The following LTBP4 variants were observed in gnomAD, a reference collection of about 807,000 sequenced individuals.
LTBP4 encodes latent transforming growth factor beta binding protein 4.
A neutral mutation model predicts 180.2 loss-of-function variants in LTBP4; 93 were observed. The observed-to-expected ratio is 0.52, with a 90% confidence interval of 0.44 to 0.61. The LOEUF (loss-of-function observed/expected upper bound fraction) is 0.61, where lower values mean the gene tolerates loss of function less well. Ranked by LOEUF, LTBP4 falls within the 20% of genes least tolerant of loss-of-function variation. The pLI is 0.00. For missense variants in LTBP4, 2,116 were observed against 2,256.5 expected, an observed-to-expected ratio of 0.94 and a Z score of 1.26; for synonymous variants, 947 against 934.5, an observed-to-expected ratio of 1.01 and a Z score of -0.24.
At position 40,609,410 on chromosome 19, in the gene LTBP4, C is replaced by A; in HGVS notation, c.1427-120C>A. On this transcript the variant is annotated intron_variant, in intron 9 of 29. Coordinates refer to ENST00000396819, the MANE Select transcript of LTBP4 (RefSeq NM_001042545.2). This position sits in a 1 kb window ranked among gnomAD's most constrained non-coding sequence, Gnocchi z 4.9. Reference sequence around the variant, plus strand: ...GGAGATCAGAAGAAGACTGGGCTTGCTTGGGGAGGAGACATCCATGAAGGT... The same window carrying A: ...GGAGATCAGAAGAAGACTGGGCTTGATTGGGGAGGAGACATCCATGAAGGT... 7.7e-7 allele frequency: 1 copy of A among 1,293,576 alleles called. No homozygotes were observed. The allele number at this position is 1,293,576 out of a possible 1,614,324, so 80.1% of individuals were successfully genotyped here. A position where few individuals can be genotyped will look rare whatever the true frequency, so the allele number is the denominator to read the frequency against.
rs528596620 is a variant in LTBP4, at chr19:40,610,452, T to C, written c.1685-80T>C. 6.0e-6 allele frequency: 9 copies of C among 1,496,462 alleles called. No homozygotes were observed. In the African/African-American group the frequency reaches 1.2e-4, roughly 21 times the overall value. The allele number at this position is 1,496,462 out of a possible 1,614,324, so 92.7% of individuals were successfully genotyped here. A position where few individuals can be genotyped will look rare whatever the true frequency, so the allele number is the denominator to read the frequency against. ...GGCCCAAGCTTGGTCCCGCTCCCGC[T>C]TCCCTCTACCCCTGCCTCCTTGCGT... On this transcript the variant is annotated intron_variant, in intron 11 of 29. Transcript: ENST00000396819.
At chr19:40,593,819 G>A (rs2081378027) in intron 1 of LTBP4, among the ~76,000 whole-genome samples, 3 of 151,652 alleles carry the variant, frequency 2.0e-5, no homozygotes, top group Admixed American at 2.0e-4. Flanking sequence ...TTTGAGACAG[G>A]GTCTTTCTCT....
intron 11 of LTBP4, 193 bp downstream of exon 11, chr19:40,610,064 C>G (rs1332464596): frequency 1.4e-6 from 1 of 717,266 alleles, no homozygotes; most frequent in East Asian, 3.0e-5. Context: ...CCCACCCCTA[C>G]CCAGCTCCCA....
upstream of LTBP4, chr19:40,599,343 A>C: frequency 2.5e-6 from 4 of 1,610,550 alleles, no homozygotes; most frequent in Non-Finnish European, 3.4e-6. Flanking sequence ...CCCTCATCCC[A>C]GTGGGAGAGC....
chr19:40,604,788 C>A (rs1300520989), intron 1 of LTBP4, among the ~76,000 whole-genome samples: 1 of 152,166 alleles, frequency 6.6e-6, no homozygotes, highest in African/African-American at 2.4e-5. Context: ...GGCTGCAGAG[C>A]CATAATCACG....
chr19:40,600,691 C>A (rs752064249), upstream of LTBP4, among the ~76,000 whole-genome samples: 4 of 152,140 alleles, frequency 2.6e-5, no homozygotes, highest in East Asian at 1.9e-4. The surrounding 1 kb of genome is among the most constrained non-coding windows in gnomAD (Gnocchi z 4.4). Flanking sequence ...CCAGATGTGA[C>A]CCCTCCCCCT....
chr19:40,608,616 G>A lies in LTBP4; in HGVS notation c.1426+13G>A, dbSNP rs2146025478. On this transcript the variant is annotated intron_variant, in intron 9 of 29. Coordinates refer to ENST00000396819, the MANE Select transcript of LTBP4 (RefSeq NM_001042545.2). ...ATTCCTGAATCAGGTTTGCTAGAAA[G>A]AACTGAGGGCATTGGGCCTGCAGCA... The A allele has an allele frequency of 6.4e-7, 1 of 1,572,898 alleles. No homozygotes were observed. The highest frequency in any genetic ancestry group is 1.3e-5 in the African/African-American group (1 of 74,152).
In LTBP4 at chr19:40,622,383, A is replaced by G; in HGVS notation, c.3218-18A>G. The stretch of plus-strand genomic sequence containing the variant: ...GGGGATTCAGCCCACACTGGGCTAA[A>G]GCTCCTTGTCTCCCCAGGCACGTTC... On this transcript the variant is annotated intron_variant, in intron 22 of 29. Coordinates refer to ENST00000396819, the MANE Select transcript of LTBP4 (RefSeq NM_001042545.2). The surrounding 1 kb of genome is among the most constrained non-coding windows in gnomAD (Gnocchi z 5.1). 6.7e-7 allele frequency: 1 copy of G among 1,487,954 alleles called. No individual in the cohort carries two copies. Among genetic ancestry groups the G allele is most frequent in the Non-Finnish European group, 9.0e-7 (1 of 1,108,868 alleles). 92.2% of individuals were successfully genotyped at this position (1,487,954 alleles called of 1,614,324 possible).
In LTBP4 at chr19:40,622,920, G is replaced by C. The variant is rs371913880; in HGVS notation, c.3485-30G>C. 12 of 1,608,632 alleles carry C rather than the reference G, an allele frequency of 7.5e-6. No individual in the cohort carries two copies. Among genetic ancestry groups the C allele is most frequent in the African/African-American group, 1.3e-5 (1 of 74,794 alleles). ...TCAGGGCTGGGGCTGGGGCTCTGGT[G>C]TCCTGGCTCAGGCTTGTCTCTGTGT... is the stretch of plus-strand genomic sequence containing the variant. On this transcript the variant is annotated intron_variant, in intron 23 of 29. Coordinates refer to ENST00000396819, the MANE Select transcript of LTBP4 (RefSeq NM_001042545.2). The surrounding 1 kb of genome is among the most constrained non-coding windows in gnomAD (Gnocchi z 5.1).
chr19:40,627,307 C>T lies in LTBP4; in HGVS notation c.4318C>T (p.Arg1440Cys), dbSNP rs1406689393. 3.3e-6 allele frequency: 5 copies of T among 1,529,988 alleles called. No individual in the cohort carries two copies. In the South Asian group the frequency reaches 3.6e-5, roughly 11 times the overall value. The allele number at this position is 1,529,988 out of a possible 1,614,324, so 94.8% of individuals were successfully genotyped here. ...RWPYRSRDTR[R>C]SFPEPEEPPE... ...GCCCTATCGGTCCCGGGACACCCGC[C>T]GCTCCTTCCCAGAGCCCGAGGAGCC... Residue 1440 changes from arginine to cysteine, a missense_variant, in exon 28 of 30, where the codon CGC becomes TGC. Coordinates refer to ENST00000396819, the MANE Select transcript of LTBP4 (RefSeq NM_001042545.2).
In LTBP4 at chr19:40,601,527, A is replaced by G. The variant is rs1396123598; in HGVS notation, c.140A>G (p.His47Arg). Residue 47 changes from histidine to arginine, a missense_variant, in exon 1 of 30, where the codon CAT becomes CGT. By Grantham distance (29) the His-to-Arg change is conservative (BLOSUM62 0). Transcript: ENST00000396819. ...GTCGTGTGCGGCCTGCGCTGCGTCC[A>G]TGGGCCGACCGGCTCCCGCTGTACC... Reference protein sequence around the residue: ...TPVVCGLRCVHGPTGSRCTPT... With the variant: ...TPVVCGLRCVRGPTGSRCTPT... 1.4e-5 allele frequency: 21 copies of G among 1,493,208 alleles called. No individual in the cohort carries two copies. Among genetic ancestry groups the G allele is most frequent in the Admixed American group, 1.3e-4 (6 of 45,996 alleles). 92.5% of individuals were successfully genotyped at this position (1,493,208 alleles called of 1,614,324 possible).
chr19:40,613,899 G>A lies in LTBP4; in HGVS notation c.2558-17G>A. The A allele has an allele frequency of 6.2e-7, 1 of 1,613,378 alleles. No homozygotes were observed. Among genetic ancestry groups the A allele is most frequent in the South Asian group, 1.1e-5 (1 of 91,056 alleles). ...GAGCGGGAGGTGGGCCGGGCCTTCG[G>A]ACGCCCTGTCCCGCAGACGTTGACG... On this transcript the variant is annotated splice_polypyrimidine_tract_variant and intron_variant, in intron 17 of 29. Transcript: ENST00000396819. This position sits in a 1 kb window ranked among gnomAD's most constrained non-coding sequence, Gnocchi z 5.0.
At chr19:40,620,910 C>T (rs2081582278) in intron 22 of LTBP4, among the ~76,000 whole-genome samples, 1 of 151,842 alleles carries the variant, frequency 6.6e-6, no homozygotes, top group African/African-American at 2.4e-5. Flanking sequence ...ATGATCCCGT[C>T]ACCCAGATAG....
At chr19:40,599,639 C>A, upstream of LTBP4, 2 of 1,260,182 alleles carry the variant, frequency 1.6e-6, no homozygotes, top group Non-Finnish European at 2.2e-6. Flanking sequence ...CTCCCTTCCC[C>A]TCTCCCTCTC....
chr19:40,605,896 C>T lies in LTBP4; in HGVS notation c.793+65C>T. The stretch of plus-strand genomic sequence containing the variant: ...AGTGGTGACAACCTCACCGTTCCTC[C>T]TACTCTGCCCTAGATAAACCCAGTT... On this transcript the variant is annotated intron_variant, in intron 4 of 29. Coordinates refer to ENST00000396819, the MANE Select transcript of LTBP4 (RefSeq NM_001042545.2). The surrounding 1 kb of genome is among the most constrained non-coding windows in gnomAD (Gnocchi z 5.5). 4 of 1,472,866 alleles carry T rather than the reference C, an allele frequency of 2.7e-6. No homozygotes were observed. Among genetic ancestry groups the T allele is most frequent in the Non-Finnish European group, 3.6e-6 (4 of 1,096,060 alleles). 91.2% of individuals were successfully genotyped at this position (1,472,866 alleles called of 1,614,324 possible).
intron 22 of LTBP4, among the ~76,000 whole-genome samples, chr19:40,620,243 T>C (rs1293247091): frequency 8.2e-6 from 1 of 122,036 alleles, no homozygotes; most frequent in Non-Finnish European, 1.7e-5. Context: ...AAATTTTTTT[T>C]AAATGTTTTT....
At chr19:40,597,882 C>G (rs2081399387), upstream of LTBP4, among the ~76,000 whole-genome samples, 1 of 149,866 alleles carries the variant, frequency 6.7e-6, no homozygotes, top group African/African-American at 2.5e-5. Context: ...AAGACATAGA[C>G]TCTTGCGTTG....
intron 29 of LTBP4, among the ~76,000 whole-genome samples, chr19:40,628,292 G>A (rs989180711): frequency 6.6e-6 from 1 of 152,214 alleles, no homozygotes; most frequent in Non-Finnish European, 1.5e-5. Context: ...TGTAATCCCA[G>A]CACTTTGGGA....
At chr19:40,621,513 T>C (rs1401603436) in intron 22 of LTBP4, among the ~76,000 whole-genome samples, 4 of 152,062 alleles carry the variant, frequency 2.6e-5, no homozygotes, top group African/African-American at 4.8e-5. Context: ...AAAGATAGAA[T>C]CAGATTTTGA....
Sources: gnomAD v4.1 joint callset for allele counts (sites outside exome capture counted in the v4.1 genomes callset) on GRCh38, gnomAD v4.1.1 for gene constraint, Gnocchi (gnomAD v3.1) non-coding constraint, MANE v1.5 for transcripts, NCBI Gene and HGNC (gene_info 2026-07-23, HGNC 2026-07-21) for gene names.